EEPD1: variants seen among roughly 807,000 people sequenced by gnomAD.
The protein encoded by EEPD1 is endonuclease/exonuclease/phosphatase family domain containing 1.
A neutral mutation model predicts 46.3 loss-of-function variants in EEPD1; 17 were observed. That is an observed-to-expected ratio of 0.37 (90% CI 0.25 to 0.55). The LOEUF is 0.55. Among genes scored for constraint, EEPD1 ranks in the 20% least tolerant of loss-of-function variants. The pLI, the probability that EEPD1 is intolerant of heterozygous loss-of-function variation, is 0.83. For missense variants in EEPD1, 673 were observed against 745.6 expected (o/e 0.90, Z 1.13); for synonymous variants, 313 against 315.6 (o/e 0.99, Z 0.09).
intron 2 of EEPD1, among the ~76,000 whole-genome samples, chr7:36,198,337 G>A (rs28490925): frequency 0.036 from 729 of 20,348 alleles, no homozygotes; most frequent in Middle Eastern, 0.083. Flanking sequence ...AAAAAAAAAA[G>A]AAAAGAAAAA....
At chr7:36,210,166 A>G (rs923673706) in intron 2 of EEPD1, among the ~76,000 whole-genome samples, 1 of 152,214 alleles carries the variant, frequency 6.6e-6, no homozygotes, top group African/African-American at 2.4e-5. Flanking sequence ...TTGTTGTAAC[A>G]GAGCAGGAAA....
intron 3 of EEPD1, among the ~76,000 whole-genome samples, chr7:36,263,197 C>T (rs958572551): frequency 1.2e-4 from 18 of 151,812 alleles, no homozygotes; most frequent in African/African-American, 4.4e-4. Context: ...CCGGGTGTGG[C>T]GATGCACGTC....
intron 2 of EEPD1, among the ~76,000 whole-genome samples, chr7:36,213,381 G>A (rs1346514129): frequency 6.6e-6 from 1 of 152,130 alleles, no homozygotes; most frequent in African/African-American, 2.4e-5. Context: ...GGTGCAATTT[G>A]CTTGGAAAGT....
Position 36,242,989 on chromosome 7 carries a change from G to A in EEPD1, c.930+3953G>A, listed in dbSNP as rs1010498359. ...ATAAGATGAGTTCCTAAAGGGCCTC[G>A]TGACTTACAGATTCCCTTCCACCTG... On this transcript the variant is annotated intron_variant, in intron 3 of 7. Coordinates refer to ENST00000242108, the MANE Select transcript of EEPD1 (RefSeq NM_030636.3). Among the ~76,000 whole-genome samples, 23 of 152,114 alleles carry A rather than the reference G, an allele frequency of 1.5e-4. 1 individual carries two copies. The highest frequency in any genetic ancestry group is 2.2e-4 in the Non-Finnish European group (15 of 68,022).
At chr7:36,194,882 A>G (rs1311574255) in intron 2 of EEPD1, among the ~76,000 whole-genome samples, 1 of 152,198 alleles carries the variant, frequency 6.6e-6, no homozygotes, top group Non-Finnish European at 1.5e-5. Context: ...TGGTGATTGA[A>G]TGTGTCCTCA....
chr7:36,287,599 T>C, intron 5 of EEPD1, 40 bp from the exon 6 acceptor site: 1 of 1,601,548 alleles, frequency 6.2e-7, no homozygotes, highest in Non-Finnish European at 8.5e-7. Context: ...AAATATGAGC[T>C]TCTGAGCCTC....
chr7:36,264,495 A>T (rs1232377170), intron 3 of EEPD1, among the ~76,000 whole-genome samples: 1 of 152,224 alleles, frequency 6.6e-6, no homozygotes, highest in Admixed American at 6.5e-5. Context: ...GCACAGGGTG[A>T]GCATTCTAGG....
intron 3 of EEPD1, among the ~76,000 whole-genome samples, chr7:36,278,172 C>T (rs6946846): frequency 0.55 from 82,733 of 151,768 alleles, 22,837 homozygotes; most frequent in South Asian, 0.59. Context: ...CACACTGTGA[C>T]CAGCTCAAAA....
chr7:36,292,771 T>C (rs1787468963), intron 6 of EEPD1, among the ~76,000 whole-genome samples: 1 of 152,144 alleles, frequency 6.6e-6, no homozygotes, highest in Admixed American at 6.5e-5. Flanking sequence ...CCTCCCAAAG[T>C]GCTGGGATTA....
At chr7:36,201,491 T>C (rs1242951613) in intron 2 of EEPD1, among the ~76,000 whole-genome samples, 2 of 152,176 alleles carry the variant, frequency 1.3e-5, no homozygotes, top group Non-Finnish European at 2.9e-5. Context: ...TTCTGATGAC[T>C]ATCAGCTGAG....
intron 6 of EEPD1, among the ~76,000 whole-genome samples, chr7:36,295,784 A>G (rs917116721): frequency 7.2e-5 from 11 of 152,144 alleles, no homozygotes; most frequent in South Asian, 2.1e-4. Context: ...TAATCCCAGC[A>G]CTTTGGGAGG....
At chr7:36,221,785 A>C (rs182558009) in intron 2 of EEPD1, among the ~76,000 whole-genome samples, 107 of 152,348 alleles carry the variant, frequency 7.0e-4, no homozygotes, top group African/African-American at 2.6e-3. Flanking sequence ...TATATACTAG[A>C]AGCAATATAT....
chr7:36,240,198 G>A (rs1281309726), intron 3 of EEPD1, among the ~76,000 whole-genome samples: 1 of 152,212 alleles, frequency 6.6e-6, no homozygotes, highest in East Asian at 1.9e-4. Flanking sequence ...GAGCCCAGGA[G>A]GCTGAGGCTA....
At chr7:36,171,057 A>G (rs2466829) in intron 2 of EEPD1, among the ~76,000 whole-genome samples, 115,112 of 151,988 alleles carry the variant, frequency 0.76, 44,046 homozygotes, top group Middle Eastern at 0.81. Flanking sequence ...AAGTAGCTGA[A>G]ACTACAGGTG....
At chr7:36,186,885 A>G (rs1238427855) in intron 2 of EEPD1, among the ~76,000 whole-genome samples, 1 of 152,230 alleles carries the variant, frequency 6.6e-6, no homozygotes, top group Admixed American at 6.5e-5. Flanking sequence ...TGTTTCTGTA[A>G]CACAGGTTAG....
At chr7:36,190,918 C>G (rs1024650429) in intron 2 of EEPD1, among the ~76,000 whole-genome samples, 6 of 152,206 alleles carry the variant, frequency 3.9e-5, no homozygotes, top group Non-Finnish European at 7.3e-5. Flanking sequence ...CCCGGAATGC[C>G]CGGCCTTCCT....
At chr7:36,214,761 T>C (rs987479654) in intron 2 of EEPD1, among the ~76,000 whole-genome samples, 9 of 152,206 alleles carry the variant, frequency 5.9e-5, no homozygotes, top group African/African-American at 9.6e-5. Flanking sequence ...CTGGCTGACA[T>C]TGACGCAGGA....
intron 2 of EEPD1, among the ~76,000 whole-genome samples, chr7:36,218,564 A>T (rs1195297069): frequency 1.3e-5 from 2 of 152,194 alleles, no homozygotes; most frequent in African/African-American, 4.8e-5. Flanking sequence ...CTGCAGATGA[A>T]GACGCTGAGC....
intron 3 of EEPD1, among the ~76,000 whole-genome samples, chr7:36,255,981 T>C (rs1167197286): frequency 1.3e-5 from 2 of 152,240 alleles, no homozygotes; most frequent in South Asian, 2.1e-4. Context: ...AATTTCCCTC[T>C]AAACACTGCT....
Sources: allele counts gnomAD v4.1 joint callset (sites outside exome capture counted in the v4.1 genomes callset), GRCh38; gene constraint gnomAD v4.1.1; transcripts MANE v1.5; gene names NCBI Gene and HGNC (gene_info 2026-07-23, HGNC 2026-07-21).